Variants in TMC7 observed in about 807,000 individuals in gnomAD.
TMC7 encodes transmembrane channel-like protein 7.
A neutral mutation model predicts 82.9 loss-of-function variants in TMC7; 54 were observed. That is an observed-to-expected ratio of 0.65 (90% CI 0.52 to 0.82). The LOEUF (loss-of-function observed/expected upper bound fraction) is 0.82. Ranked by LOEUF, TMC7 falls within the 40% of genes least tolerant of loss-of-function variation. The probability of loss-of-function intolerance (pLI) is 0.00; values close to 1 mark genes in which losing one functional copy is unlikely to be tolerated. For synonymous variants in TMC7, 350 were observed against 337.9 expected (o/e 1.04, Z -0.39); for missense variants, 820 against 901.2 (o/e 0.91, Z 1.15).
At chr16:19,022,881 G>A (rs752331207) in intron 4 of TMC7, among the ~76,000 whole-genome samples, 2 of 152,172 alleles carry the variant, frequency 1.3e-5, no homozygotes, top group Non-Finnish European at 2.9e-5. Context: ...TGAGCCAGGT[G>A]TGGTGGTGAA....
intron 2 of TMC7, among the ~76,000 whole-genome samples, chr16:19,009,672 G>A (rs2039302507): frequency 6.6e-6 from 1 of 151,854 alleles, no homozygotes; most frequent in Admixed American, 6.5e-5. Flanking sequence ...GGGCGCGGTG[G>A]CTCACGCCTG....
At chr16:19,037,468 A>T (rs1314563576) in intron 7 of TMC7, among the ~76,000 whole-genome samples, 1 of 122,702 alleles carries the variant, frequency 8.1e-6, no homozygotes, top group Non-Finnish European at 1.8e-5. Flanking sequence ...TATTTAAAAG[A>T]TGTCTTTTTT....
intron 2 of TMC7, among the ~76,000 whole-genome samples, chr16:19,015,285 C>T (rs1385408516): frequency 6.8e-6 from 1 of 146,586 alleles, no homozygotes; most frequent in Non-Finnish European, 1.5e-5. Context: ...TTTTTTGTGA[C>T]AGGGCCTTGC....
intron 1 of TMC7, among the ~76,000 whole-genome samples, chr16:18,986,358 G>A (rs1260705089): frequency 1.4e-5 from 2 of 145,996 alleles, no homozygotes; most frequent in Admixed American, 1.4e-4. Flanking sequence ...TTGTGCCACT[G>A]CACTCCAGCC....
chr16:19,041,586 G>A (rs1000872045), intron 9 of TMC7, among the ~76,000 whole-genome samples: 1 of 152,012 alleles, frequency 6.6e-6, no homozygotes, highest in Non-Finnish European at 1.5e-5. Context: ...TGGCCAGGCT[G>A]GTCTCGAACT....
chr16:19,035,683 G>A lies in TMC7; in HGVS notation c.865G>A (p.Glu289Lys). The A allele has an allele frequency of 1.9e-6, 3 of 1,614,162 alleles. No homozygotes were observed. Among genetic ancestry groups the A allele is most frequent in the Non-Finnish European group, 2.5e-6 (3 of 1,180,026 alleles). Residue 289 changes from glutamate (E) to lysine (K), a missense_variant, in exon 7 of 16, where the codon GAA becomes AAA. By Grantham distance (56) the Glu-to-Lys change is moderately conservative. Around this residue, in one of 2 missense-constraint regions of TMC7, gnomAD observed 650 missense variants for 669.9 expected, o/e 0.97. Transcript: ENST00000304381. ...SLLWIVKRSV[E>K]GFKINLIRSE... ...ATTGTGTTTTGGGGTCAGGTCGGTG[G>A]AAGGATTCAAAATCAACCTGATTCG...
Position 19,009,447 on chromosome 16 carries a change from G to A in TMC7, c.311+32G>A, listed in dbSNP as rs375340847. The A allele has an allele frequency of 2.5e-6, 4 of 1,596,730 alleles. No individual in the cohort carries two copies. The African/African-American group carries it at 5.4e-5, about 21-fold the overall frequency. ...TCACTAGCCACCTGGAACCTGCATT[G>A]TGTATGTTATGGCCCAGAGGTATGT... is the stretch of plus-strand genomic sequence containing the variant. On this transcript the variant is annotated intron_variant, in intron 2 of 15. Coordinates refer to ENST00000304381, the MANE Select transcript of TMC7 (RefSeq NM_024847.4).
At chr16:19,045,314 A>G in intron 10 of TMC7, 27 bp from the exon 11 acceptor site, 1 of 1,583,594 alleles carries the variant, frequency 6.3e-7, no homozygotes, top group South Asian at 1.1e-5. Context: ...AGGGTCTTTC[A>G]GTTTCCCTCA....
chr16:18,988,174 T>C (rs2038886739), intron 1 of TMC7, among the ~76,000 whole-genome samples: 1 of 148,602 alleles, frequency 6.7e-6, no homozygotes, highest in African/African-American at 2.5e-5. Flanking sequence ...TTTTTTTTTT[T>C]GATGGAGTCT....
At chr16:19,002,007 G>A (rs142489337) in intron 1 of TMC7, among the ~76,000 whole-genome samples, 27 of 152,116 alleles carry the variant, frequency 1.8e-4, no homozygotes, top group Non-Finnish European at 2.8e-4. Context: ...CACCAAATAC[G>A]GTTGGGCAAG....
chr16:18,989,809 G>C (rs894991049), intron 1 of TMC7, among the ~76,000 whole-genome samples: 227 of 152,022 alleles, frequency 1.5e-3, no homozygotes, highest in Non-Finnish European at 6.8e-4. Context: ...AGGCCTCTCG[G>C]GGGGAGGCGA....
chr16:18,984,338 C>T, intron 1 of TMC7: 2 of 1,297,070 alleles, frequency 1.5e-6, no homozygotes, highest in African/African-American at 1.6e-5. Context: ...TCCAGTGGAA[C>T]CCAGCCGGGC....
At chr16:18,985,352 A>G (rs978337442) in intron 1 of TMC7, among the ~76,000 whole-genome samples, 2 of 150,994 alleles carry the variant, frequency 1.3e-5, no homozygotes, top group Non-Finnish European at 3.0e-5. Context: ...TGTCCAGAAG[A>G]AAAAAAAAAT....
In TMC7 at chr16:19,009,897, C is replaced by A. The variant is rs552208578; in HGVS notation, c.311+482C>A. Among the ~76,000 whole-genome samples the A allele has an allele frequency of 3.1e-3, 457 of 148,046 alleles. 2 individuals are homozygous for A. Among genetic ancestry groups the A allele is most frequent in the African/African-American group, 0.011 (431 of 40,072 alleles). ...CAGAGCTTGCAGTGAGCCGAGATTG[C>A]GCCACTGCACTCCAGCCTGGGGAAC... is the stretch of plus-strand genomic sequence containing the variant. On this transcript the variant is annotated intron_variant, in intron 2 of 15. Coordinates refer to ENST00000304381, the MANE Select transcript of TMC7 (RefSeq NM_024847.4).
At position 18,997,518 on chromosome 16, in the gene TMC7, C is replaced by A. The variant is rs1000825492; in HGVS notation, c.68-11654C>A. ...CCAAGTAGCTGGGATTACAGGCGCC[C>A]ACCACCACACCCAGCTAATTTTTGT... On this transcript the variant is annotated intron_variant, in intron 1 of 15. Transcript: ENST00000304381. Among the ~76,000 whole-genome samples the A allele has an allele frequency of 1.1e-3, 172 of 151,768 alleles. 3 individuals carry two copies. The highest frequency in any genetic ancestry group is 7.2e-4 in the Admixed American group (11 of 15,238).
Position 19,045,393 on chromosome 16 carries a change from T to A in TMC7, c.1508T>A (p.Phe503Tyr), listed in dbSNP as rs745952131. The A allele has an allele frequency of 6.2e-7, 1 of 1,613,958 alleles. No individual in the cohort carries two copies. The highest frequency in any genetic ancestry group is 8.5e-7 in the Non-Finnish European group (1 of 1,179,986). Residue 503 changes from phenylalanine (F) to tyrosine (Y), a missense_variant, in exon 11 of 16, where the codon TTC becomes TAC. Physicochemically the swap from Phe to Tyr is conservative, Grantham distance 22 (BLOSUM62 3). This residue lies in a region of TMC7 where 650 missense variants were observed against 669.9 expected (regional missense o/e 0.97). Coordinates refer to ENST00000304381, the MANE Select transcript of TMC7 (RefSeq NM_024847.4). ...QEMYKLMIFD[F>Y]IIILAVTLFV... ...ATGTACAAGCTGATGATCTTCGACTTCATCATCATCTTGGCTGTGACACTC... is the reference window on the plus strand; with the variant it reads ...ATGTACAAGCTGATGATCTTCGACTACATCATCATCTTGGCTGTGACACTC...
intron 2 of TMC7, among the ~76,000 whole-genome samples, chr16:19,016,243 A>T (rs938063810): frequency 1.3e-5 from 2 of 151,792 alleles, no homozygotes; most frequent in Admixed American, 6.6e-5. Context: ...GGCGCCCGCC[A>T]CCACACCTGG....
intron 4 of TMC7, 95 bp downstream of exon 4, chr16:19,021,891 C>T (rs1403536444): frequency 7.1e-7 from 1 of 1,417,252 alleles, no homozygotes; most frequent in Non-Finnish European, 9.5e-7. Context: ...TATTCTAATT[C>T]TTGGGCGACT....
intron 14 of TMC7, among the ~76,000 whole-genome samples, chr16:19,059,181 T>G (rs2142324194): frequency 1.3e-5 from 2 of 152,266 alleles, no homozygotes; most frequent in Non-Finnish European, 2.9e-5. Context: ...CCCGGCCATA[T>G]TTTATTTTTC....
Sources: gnomAD v4.1 joint callset for allele counts (sites outside exome capture counted in the v4.1 genomes callset) on GRCh38, gnomAD v4.1.1 for gene constraint, gnomAD v4.1.1 regional missense constraint, MANE v1.5 for transcripts, NCBI Gene and HGNC (gene_info 2026-07-23, HGNC 2026-07-21) for gene names.